Variants in KCNAB1 observed in about 807,000 individuals in gnomAD.
KCNAB1 encodes the protein voltage-gated potassium channel subunit beta-1.
A neutral mutation model predicts 64.6 loss-of-function variants in KCNAB1; 35 were observed. The observed-to-expected ratio is 0.54, with a 90% confidence interval of 0.41 to 0.72. The LOEUF (loss-of-function observed/expected upper bound fraction) is 0.72. KCNAB1 is among the 30% of genes least tolerant of loss of function. The pLI is 0.00. For missense variants in KCNAB1, 401 were observed against 512.9 expected (o/e 0.78, Z 2.11); for synonymous variants, 177 against 183.8 (o/e 0.96, Z 0.30).
intron 2 of KCNAB1, among the ~76,000 whole-genome samples, chr3:156,451,665 A>G (rs1712014461): frequency 2.0e-5 from 3 of 152,064 alleles, no homozygotes; most frequent in African/African-American, 4.8e-5. Context: ...ATGCCTCCCA[A>G]ATATCACTTG....
chr3:156,433,517 G>A (rs16826122), intron 2 of KCNAB1, among the ~76,000 whole-genome samples: 2 of 152,126 alleles, frequency 1.3e-5, no homozygotes, highest in Admixed American at 6.5e-5. Context: ...GGATAGATTG[G>A]GAAGGAGCCA....
At chr3:156,144,918 T>C in intron 1 of KCNAB1, among the ~76,000 whole-genome samples, 1 of 152,178 alleles carries the variant, frequency 6.6e-6, no homozygotes, top group Non-Finnish European at 1.5e-5. Context: ...TAGGAAAGCA[T>C]TTTTCAAAGG....
At chr3:156,352,508 T>C (rs939729472) in intron 1 of KCNAB1, among the ~76,000 whole-genome samples, 17 of 152,224 alleles carry the variant, frequency 1.1e-4, no homozygotes, top group Non-Finnish European at 2.5e-4. Flanking sequence ...GAAAAGGACT[T>C]TGGAGCTCAT....
At chr3:156,255,809 C>T (rs1056814113) in intron 1 of KCNAB1, among the ~76,000 whole-genome samples, 11 of 152,278 alleles carry the variant, frequency 7.2e-5, no homozygotes, top group East Asian at 1.9e-4. Flanking sequence ...CACACAAACT[C>T]GCCAAGCAGA....
chr3:156,420,461 G>A (rs368875165), intron 1 of KCNAB1, among the ~76,000 whole-genome samples: 5 of 152,200 alleles, frequency 3.3e-5, no homozygotes, highest in African/African-American at 1.2e-4. Flanking sequence ...GGAAAAACAT[G>A]TGATGCAAAA....
intron 1 of KCNAB1, among the ~76,000 whole-genome samples, chr3:156,213,963 T>C (rs1190503951): frequency 1.3e-5 from 2 of 152,096 alleles, no homozygotes; most frequent in Middle Eastern, 3.2e-3. Context: ...GGAGATTGGA[T>C]TGATAATCAA....
intron 1 of KCNAB1, among the ~76,000 whole-genome samples, chr3:156,192,998 T>A (rs530443961): frequency 6.6e-6 from 1 of 152,230 alleles, no homozygotes; most frequent in East Asian, 1.9e-4. Context: ...TTTCATTGTT[T>A]TTAATGTAAT....
chr3:156,193,059 T>A (rs1247353655), intron 1 of KCNAB1, among the ~76,000 whole-genome samples: 1 of 152,134 alleles, frequency 6.6e-6, no homozygotes, highest in Non-Finnish European at 1.5e-5. Context: ...GTTTTCTACT[T>A]GTCTTATCTA....
intron 1 of KCNAB1, among the ~76,000 whole-genome samples, chr3:156,387,988 T>C (rs1199510824): frequency 6.6e-6 from 1 of 152,222 alleles, no homozygotes; most frequent in Non-Finnish European, 1.5e-5. Context: ...TTTGTTAATT[T>C]AAAAAACATA....
At chr3:156,227,041 A>G (rs1393741911) in intron 1 of KCNAB1, among the ~76,000 whole-genome samples, 1 of 152,216 alleles carries the variant, frequency 6.6e-6, no homozygotes, top group Non-Finnish European at 1.5e-5. Context: ...AATTCCAACT[A>G]TAGATTTTTT....
chr3:156,321,769 T>A (rs1722677620), intron 1 of KCNAB1, among the ~76,000 whole-genome samples: 1 of 152,248 alleles, frequency 6.6e-6, no homozygotes, highest in African/African-American at 2.4e-5. Context: ...TAATTTCATT[T>A]TAAATTTTAG....
At chr3:156,360,183 T>G (rs1021178635) in intron 1 of KCNAB1, among the ~76,000 whole-genome samples, 1 of 152,240 alleles carries the variant, frequency 6.6e-6, no homozygotes, top group African/African-American at 2.4e-5. Flanking sequence ...ATTATGTAAA[T>G]TTTGTAATCA....
At chr3:156,175,509 A>T (rs985997885) in intron 1 of KCNAB1, among the ~76,000 whole-genome samples, 1 of 152,116 alleles carries the variant, frequency 6.6e-6, no homozygotes, top group East Asian at 1.9e-4. Context: ...AGTCCCAGCT[A>T]CTCGGAGGCT....
At chr3:156,258,634 GTTAAGAA>G (rs1374063964) in intron 1 of KCNAB1, among the ~76,000 whole-genome samples, 3 of 152,168 alleles carry the variant, frequency 2.0e-5, no homozygotes, top group South Asian at 2.1e-4. Context: ...TTTTATGACA[GTTAAGAA>G]TTAAGAATGA....
chr3:156,310,190 C>T (rs182789272), intron 1 of KCNAB1, among the ~76,000 whole-genome samples: 5 of 152,268 alleles, frequency 3.3e-5, no homozygotes, highest in African/African-American at 9.6e-5. Flanking sequence ...TCTCTCCCTG[C>T]CCCCAAGCCA....
chr3:156,509,405 C>CTGG (rs1434267416), intron 8 of KCNAB1, among the ~76,000 whole-genome samples: 8 of 151,646 alleles, frequency 5.3e-5, no homozygotes. Context: ...GCTGCTGCTG[C>CTGG]TGGTCCAGGA....
chr3:156,509,305 A>G (rs1480104889), intron 8 of KCNAB1, among the ~76,000 whole-genome samples: 5 of 152,190 alleles, frequency 3.3e-5, no homozygotes, highest in Admixed American at 6.5e-5. Context: ...CTTAAAACAC[A>G]TATGCAGACT....
At chr3:156,489,046 T>C (rs1252402050) in intron 8 of KCNAB1, among the ~76,000 whole-genome samples, 1 of 152,052 alleles carries the variant, frequency 6.6e-6, no homozygotes. Context: ...GGGTTTGAGT[T>C]TAGTCATCTT....
Position 156,531,452 on chromosome 3 carries a change from A to G in KCNAB1, c.1125A>G (p.Gly375=). 1.2e-6 allele frequency: 2 copies of G among 1,614,092 alleles called. No homozygotes were observed. Among genetic ancestry groups the G allele is most frequent in the South Asian group, 1.1e-5 (1 of 91,080 alleles). The change falls in exon 13 of 14, where the codon GGA becomes GGG. Residue 375 remains glycine, a synonymous_variant. Transcript: ENST00000490337. ...AAGGTGTGAGTTCTGTGCTCCTGGG[A>G]TCATCCACTCCTGAACAACTCATTG... ...RNEGVSSVLL[G]SSTPEQLIEN...
Sources: gnomAD v4.1 joint callset for allele counts (sites outside exome capture counted in the v4.1 genomes callset) on GRCh38, gnomAD v4.1.1 for gene constraint, MANE v1.5 for transcripts, NCBI Gene and HGNC (gene_info 2026-07-23, HGNC 2026-07-21) for gene names.